Variants in WHAMM observed in about 807,000 individuals in gnomAD.
WHAMM encodes WASP homolog associated with actin, golgi membranes and microtubules, also known as WASP homolog-associated protein with actin, membranes and microtubules.
Under a neutral mutation model 76.5 loss-of-function variants are expected in WHAMM, and 67 were observed. The ratio of observed to expected loss-of-function variants is 0.88; its 90% CI spans 0.72 to 1.07. The LOEUF (loss-of-function observed/expected upper bound fraction) is 1.07, where lower values mean the gene tolerates loss of function less well. Ranked by LOEUF, WHAMM falls within the 50% of genes least tolerant of loss-of-function variation. The pLI is 0.00. For synonymous variants in WHAMM, 419 were observed against 422.1 expected (o/e 0.99, Z 0.09); for missense variants, 1,021 against 1,051.1 (o/e 0.97, Z 0.40).
intron 9 of WHAMM, among the ~76,000 whole-genome samples, chr15:82,832,997 G>C (rs951545916): frequency 2.0e-5 from 3 of 152,216 alleles, no homozygotes; most frequent in Admixed American, 6.5e-5. Context: ...CTATGGATTT[G>C]AAGAAGTTAG....
At chr15:82,817,368 GCA>G (rs1405150769) in intron 3 of WHAMM, among the ~76,000 whole-genome samples, 1 of 152,218 alleles carries the variant, frequency 6.6e-6, no homozygotes, top group Non-Finnish European at 1.5e-5. Flanking sequence ...GTCAGACCAT[GCA>G]GGGGCTTGTG....
At position 82,833,213 on chromosome 15, in the gene WHAMM, G is replaced by C. The variant is rs768127808; in HGVS notation, c.2123-16G>C. 2 of 1,610,250 alleles carry C rather than the reference G, an allele frequency of 1.2e-6. No individual in the cohort carries two copies. Among genetic ancestry groups the C allele is most frequent in the South Asian group, 2.2e-5 (2 of 90,438 alleles). On this transcript the variant is annotated splice_polypyrimidine_tract_variant and intron_variant, in intron 9 of 9. Transcript: ENST00000286760. ...GTGTTTTATTGATAGTACTAGCTCT[G>C]CTTATTCAATTTCAGGATCTATGGA...
intron 9 of WHAMM, among the ~76,000 whole-genome samples, chr15:82,831,705 C>T (rs1362480123): frequency 3.3e-5 from 5 of 152,204 alleles, no homozygotes; most frequent in African/African-American, 1.2e-4. Context: ...AGTTCTCACT[C>T]AGAATTTGAA....
intron 3 of WHAMM, among the ~76,000 whole-genome samples, chr15:82,817,165 T>G (rs962598207): frequency 2.0e-5 from 3 of 152,132 alleles, no homozygotes; most frequent in African/African-American, 4.8e-5. Flanking sequence ...TGCCCCAATA[T>G]CTGAAGGGTA....
At chr15:82,824,368 G>A (rs1337577200) in intron 6 of WHAMM, among the ~76,000 whole-genome samples, 2 of 150,998 alleles carry the variant, frequency 1.3e-5, no homozygotes, top group East Asian at 1.9e-4. Flanking sequence ...TCACTCTGTC[G>A]CCAGGCTGGA....
rs2050599968 is a variant in WHAMM at position 82,810,083 on chromosome 15, C to G, written c.357C>G (p.Ala119=). 1 of 1,236,570 alleles carries G rather than the reference C, an allele frequency of 8.1e-7. No individual in the cohort carries two copies. 76.6% of individuals were successfully genotyped at this position (1,236,570 alleles called of 1,614,324 possible). Residue 119 remains alanine (A), a synonymous_variant, in exon 1 of 10, where the codon GCC becomes GCG. Coordinates refer to ENST00000286760, the MANE Select transcript of WHAMM (RefSeq NM_001080435.3). ...AGCTGGACGTGGGCGGCGGCGGGGC[C>G]TGGGGTCTGGGGCTCGGGCTGTGGG... is the stretch of plus-strand genomic sequence containing the variant. ...PPELDVGGGG[A]WGLGLGLWAL...
chr15:82,823,179 G>A lies in WHAMM; in HGVS notation c.1350G>A (p.Leu450=). The change falls in exon 6 of 10, where the codon CTG becomes CTA. Residue 450 remains leucine, a synonymous_variant. Transcript: ENST00000286760. ...ELKVIDCVVG[L]QDDKNLEVKE... is the part of the protein sequence containing the mutation. ...AAGTCATTGACTGTGTGGTGGGGCT[G>A]CAGGATGATAAGAATTTGGAAGTGA... The A allele has an allele frequency of 6.3e-7, 1 of 1,576,650 alleles. No homozygotes were observed. Among genetic ancestry groups the A allele is most frequent in the East Asian group, 2.3e-5 (1 of 43,628 alleles).
At position 82,831,108 on chromosome 15, in the gene WHAMM, C is replaced by G. The variant is rs770938913; in HGVS notation, c.2122+29C>G. The G allele has an allele frequency of 3.1e-6, 5 of 1,590,752 alleles. No individual in the cohort carries two copies. In the African/African-American group the frequency reaches 6.7e-5, roughly 21 times the overall value. The stretch of plus-strand genomic sequence containing the variant: ...ATCCACTGGAATTCTGTCCCTGCTC[C>G]CCATGAGTTGTTAAGCTGTTGAAGC... On this transcript the variant is annotated intron_variant, in intron 9 of 9. Transcript: ENST00000286760.
intron 2 of WHAMM, among the ~76,000 whole-genome samples, chr15:82,814,624 A>AT (rs1357460774): frequency 6.9e-6 from 1 of 145,926 alleles, no homozygotes; most frequent in Non-Finnish European, 1.5e-5. Context: ...CTAATTTTGT[A>AT]TTTTTTTAGT....
chr15:82,810,132 G>A lies in WHAMM; in HGVS notation c.406G>A (p.Gly136Ser). 1 of 1,360,948 alleles carries A rather than the reference G, an allele frequency of 7.3e-7. No homozygotes were observed. The highest frequency in any genetic ancestry group is 3.5e-5 in the East Asian group (1 of 28,928). 84.3% of individuals were successfully genotyped at this position (1,360,948 alleles called of 1,614,324 possible). The change falls in exon 1 of 10, where the codon GGT becomes AGT. Residue 136 changes from glycine to serine, a missense_variant. Transcript: ENST00000286760. Reference protein sequence around the residue: ...LWALLWPTRAGPGEAALQELC... With the variant: ...LWALLWPTRASPGEAALQELC... ...GGCGCTGCTGTGGCCGACGCGCGCG[G>A]GTCCCGGCGAGGCGGCGCTGCAGGA...
intron 2 of WHAMM, among the ~76,000 whole-genome samples, chr15:82,815,423 CTGAG>C (rs2050711377): frequency 6.6e-6 from 1 of 151,986 alleles, no homozygotes; most frequent in African/African-American, 2.4e-5. Flanking sequence ...CTTTTTATTG[CTGAG>C]TAATATTCAT....
Position 82,835,878 on chromosome 15 carries a change from T to TG in WHAMM, c.*2343dup, listed in dbSNP as rs1386786250. On this transcript the variant is annotated 3_prime_UTR_variant, in exon 10 of 10. Coordinates refer to ENST00000286760, the MANE Select transcript of WHAMM (RefSeq NM_001080435.3). ...ACTTCCTAGGGAAAGAATTTGGAATTGAAAAAGTAGCAAAATCACAACTTT... is the reference window on the plus strand; with the variant it reads ...ACTTCCTAGGGAAAGAATTTGGAATTGGAAAAAGTAGCAAAATCACAACTTT... 1 of 152,228 alleles carries TG rather than the reference T, an allele frequency of 6.6e-6. No homozygotes were observed. Among genetic ancestry groups the TG allele is most frequent in the African/African-American group, 2.4e-5 (1 of 41,468 alleles). 9.4% of individuals were successfully genotyped at this position (152,228 alleles called of 1,614,324 possible). A position where few individuals can be genotyped will look rare whatever the true frequency, so the allele number is the denominator to read the frequency against.
At chr15:82,813,035 G>A in intron 1 of WHAMM, 68 bp from the exon 2 acceptor site, 1 of 1,215,786 alleles carries the variant, frequency 8.2e-7, no homozygotes, top group South Asian at 2.6e-5. Flanking sequence ...CTTTTGTTTA[G>A]TTTTGTTTGT....
Position 82,823,172 on chromosome 15 carries a change from T to C in WHAMM, c.1343T>C (p.Val448Ala). The change falls in exon 6 of 10, where the codon GTG (valine) becomes GCG (alanine). Residue 448 changes from valine to alanine, a missense_variant. By Grantham distance (64) the Val-to-Ala change is moderately conservative. Around this residue, in one of 3 missense-constraint regions of WHAMM, gnomAD observed 509 missense variants for 492.3 expected, o/e 1.03. Coordinates refer to ENST00000286760, the MANE Select transcript of WHAMM (RefSeq NM_001080435.3). ...GAACTTAAAGTCATTGACTGTGTGG[T>C]GGGGCTGCAGGATGATAAGAATTTG... Reference protein sequence around the residue: ...PEELKVIDCVVGLQDDKNLEV... With the variant: ...PEELKVIDCVAGLQDDKNLEV... The C allele has an allele frequency of 3.2e-6, 5 of 1,572,590 alleles. No individual in the cohort carries two copies. Among genetic ancestry groups the C allele is most frequent in the Non-Finnish European group, 4.3e-6 (5 of 1,156,094 alleles).
At chr15:82,810,520 C>G in intron 1 of WHAMM, 185 bp downstream of exon 1, 2 of 985,420 alleles carry the variant, frequency 2.0e-6, no homozygotes, top group African/African-American at 1.7e-5. Flanking sequence ...GCGGGAGCTG[C>G]GGGAGGGTCT....
chr15:82,826,278 G>T, intron 6 of WHAMM, 132 bp from the exon 7 acceptor site: 1 of 857,294 alleles, frequency 1.2e-6, no homozygotes, highest in Non-Finnish European at 1.8e-6. Flanking sequence ...CAGTACCATT[G>T]GGCCGCTCCA....
chr15:82,818,067 A>G lies in WHAMM; in HGVS notation c.1082A>G (p.Lys361Arg), dbSNP rs753090876. Residue 361 changes from lysine to arginine, a missense_variant, in exon 4 of 10, where the codon AAA becomes AGA. Physicochemically the swap from Lys to Arg is conservative, Grantham distance 26 (BLOSUM62 2). This residue lies in a region of WHAMM where 501 missense variants were observed against 524.9 expected (regional missense o/e 0.95). Coordinates refer to ENST00000286760, the MANE Select transcript of WHAMM (RefSeq NM_001080435.3). Reference sequence around the variant, plus strand: ...GCGAAAGAGTTGTGTTTAAATCACAAAAGAGCTGAAATTCAGGGAAAGGTA... The same window carrying G: ...GCGAAAGAGTTGTGTTTAAATCACAGAAGAGCTGAAATTCAGGGAAAGGTA... Reference protein sequence around the residue: ...MRAKELCLNHKRAEIQGKMED... With the variant: ...MRAKELCLNHRRAEIQGKMED... 5 of 1,550,860 alleles carry G rather than the reference A, an allele frequency of 3.2e-6. No homozygotes were observed. The highest frequency in any genetic ancestry group is 4.4e-6 in the Non-Finnish European group (5 of 1,146,880).
At chr15:82,825,040 G>A (rs2050907116) in intron 6 of WHAMM, among the ~76,000 whole-genome samples, 1 of 152,106 alleles carries the variant, frequency 6.6e-6, no homozygotes, top group African/African-American at 2.4e-5. Context: ...CAGGAGGATC[G>A]CTTGAAGCCA....
intron 6 of WHAMM, among the ~76,000 whole-genome samples, chr15:82,823,909 A>G (rs2050882751): frequency 6.6e-6 from 1 of 152,204 alleles, no homozygotes; most frequent in African/African-American, 2.4e-5. Context: ...TCTATTTCTA[A>G]TAGCCAACTA....
Sources: gnomAD v4.1 joint callset for allele counts (sites outside exome capture counted in the v4.1 genomes callset) on GRCh38, gnomAD v4.1.1 for gene constraint, gnomAD v4.1.1 regional missense constraint, MANE v1.5 for transcripts, NCBI Gene and HGNC (gene_info 2026-07-23, HGNC 2026-07-21) for gene names.